PPP3CB: variants seen among roughly 807,000 people sequenced by gnomAD.
The protein encoded by PPP3CB is serine/threonine-protein phosphatase 2B catalytic subunit beta isoform.
PPP3CB carries 8 observed loss-of-function variants against 66.4 expected under a neutral mutation model. That is an observed-to-expected ratio of 0.12 (90% CI 0.07 to 0.22). The LOEUF (loss-of-function observed/expected upper bound fraction) is 0.22. Among genes scored for constraint, PPP3CB ranks in the 10% least tolerant of loss-of-function variants. The probability of loss-of-function intolerance (pLI) is 1.00; values close to 1 mark genes in which losing one functional copy is unlikely to be tolerated. For missense variants in PPP3CB, 319 were observed against 642.5 expected, an observed-to-expected ratio of 0.50 and a Z score of 5.44; for synonymous variants, 208 against 221.2, an observed-to-expected ratio of 0.94 and a Z score of 0.53.
chr10:73,454,455 G>A lies in PPP3CB; in HGVS notation c.1143C>T (p.Cys381=), dbSNP rs2056392306. The A allele has an allele frequency of 2.5e-6, 4 of 1,611,880 alleles. No individual in the cohort carries two copies. The African/African-American group carries it at 5.4e-5, about 22-fold the overall frequency. The change falls in exon 10 of 14, where the codon TGC becomes TGT. Residue 381 remains cysteine, a synonymous_variant. Transcript: ENST00000360663. ...CTTCAGTCATTAGTTCATCATCAGA[G>A]CAAATACTCAGAACATTTACCAACA... is the stretch of plus-strand genomic sequence containing the variant. ...TEMLVNVLSI[C]SDDELMTEGE...
intron 10 of PPP3CB, 153 bp from the exon 11 acceptor site, chr10:73,446,726 A>T (rs1376884305): frequency 3.0e-6 from 2 of 659,394 alleles, no homozygotes; most frequent in East Asian, 2.7e-5. Flanking sequence ...CATGCTAAAA[A>T]ATGTCTTGCT....
intron 1 of PPP3CB, among the ~76,000 whole-genome samples, chr10:73,488,646 A>C (rs1191984028): frequency 2.6e-5 from 4 of 152,040 alleles, no homozygotes; most frequent in Non-Finnish European, 5.9e-5. Flanking sequence ...TGCTTTAAGG[A>C]AAGATTCAAT....
chr10:73,453,740 C>A (rs1196478411), intron 10 of PPP3CB, among the ~76,000 whole-genome samples: 1 of 151,952 alleles, frequency 6.6e-6, no homozygotes, highest in African/African-American at 2.4e-5. Context: ...ATATTGTTTA[C>A]CTTTTTATGT....
chr10:73,483,931 G>A (rs943820676), intron 1 of PPP3CB, among the ~76,000 whole-genome samples: 1 of 151,950 alleles, frequency 6.6e-6, no homozygotes, highest in African/African-American at 2.4e-5. Flanking sequence ...ATCACTTGTG[G>A]TCAGGAGTTC....
intron 1 of PPP3CB, among the ~76,000 whole-genome samples, chr10:73,492,944 C>A (rs1456221414): frequency 6.6e-6 from 1 of 152,128 alleles, no homozygotes; most frequent in Non-Finnish European, 1.5e-5. Context: ...GGCCTTATGA[C>A]TACAAGCATG....
intron 1 of PPP3CB, among the ~76,000 whole-genome samples, chr10:73,491,384 C>CA (rs948319384): frequency 2.2e-4 from 34 of 152,014 alleles, no homozygotes; most frequent in African/African-American, 7.7e-4. Flanking sequence ...AGGCTAGTCT[C>CA]AAACTCCTGA....
chr10:73,488,019 G>T (rs952236678), intron 1 of PPP3CB, among the ~76,000 whole-genome samples: 4 of 151,808 alleles, frequency 2.6e-5, no homozygotes, highest in Non-Finnish European at 5.9e-5. Context: ...GACCTCAAGT[G>T]ATCCGCCCGC....
intron 3 of PPP3CB, among the ~76,000 whole-genome samples, chr10:73,475,603 G>A (rs964832092): frequency 6.6e-6 from 1 of 152,218 alleles, no homozygotes; most frequent in African/African-American, 2.4e-5. Context: ...CCCATGAAGG[G>A]AAGGTCCATG....
At chr10:73,467,720 A>G (rs763185708) in intron 8 of PPP3CB, 42 bp from the exon 9 acceptor site, 159 of 1,459,614 alleles carry the variant, frequency 1.1e-4, no homozygotes, top group Non-Finnish European at 1.3e-4. Flanking sequence ...TAGATAAGTA[A>G]CTATTTGTCA....
intron 1 of PPP3CB, among the ~76,000 whole-genome samples, chr10:73,483,543 G>C (rs2056918682): frequency 6.6e-6 from 1 of 152,186 alleles, no homozygotes; most frequent in African/African-American, 2.4e-5. Flanking sequence ...TGTTGTCCCA[G>C]CTACTCAGGA....
chr10:73,478,733 G>A, intron 2 of PPP3CB, 110 bp from the exon 3 acceptor site: 2 of 920,426 alleles, frequency 2.2e-6, no homozygotes, highest in South Asian at 3.5e-5. Flanking sequence ...ATCAAGAAAT[G>A]TCTGAGAAGG....
chr10:73,446,160 C>T (rs1029018616), intron 11 of PPP3CB, among the ~76,000 whole-genome samples: 5 of 149,554 alleles, frequency 3.3e-5, no homozygotes, highest in Non-Finnish European at 7.4e-5. Context: ...TCTGGAGTGG[C>T]GCAGTCTCGG....
intron 9 of PPP3CB, among the ~76,000 whole-genome samples, chr10:73,454,875 T>C (rs972515835): frequency 2.7e-5 from 4 of 150,280 alleles, no homozygotes; most frequent in African/African-American, 1.0e-4. Context: ...CAGGATTTAA[T>C]CTTTTTTTTT....
intron 9 of PPP3CB, among the ~76,000 whole-genome samples, chr10:73,455,443 A>T (rs569927589): frequency 6.6e-6 from 1 of 152,172 alleles, no homozygotes; most frequent in East Asian, 1.9e-4. Context: ...ATGTTCAATC[A>T]CTTGGAATTT....
chr10:73,455,939 G>A (rs139831819), intron 9 of PPP3CB, among the ~76,000 whole-genome samples: 78 of 152,284 alleles, frequency 5.1e-4, no homozygotes, highest in African/African-American at 1.8e-3. Flanking sequence ...ATGAGTGTAG[G>A]ATGTTGTTTA....
chr10:73,473,516 G>A lies in PPP3CB; in HGVS notation c.523+1403C>T, dbSNP rs976117091. ...CCAAAAATACAAAAATTAGCAGGAC[G>A]TGGTGGCGCATGCCTGTAATTTCAG... On this transcript the variant is annotated intron_variant, in intron 4 of 13. Transcript: ENST00000360663. Among the ~76,000 whole-genome samples the A allele has an allele frequency of 2.6e-5, 4 of 152,046 alleles. No individual in the cohort carries two copies. The East Asian group carries it at 5.8e-4, about 22-fold the overall frequency.
chr10:73,445,202 G>C (rs1480440021), intron 11 of PPP3CB, among the ~76,000 whole-genome samples: 1 of 152,152 alleles, frequency 6.6e-6, no homozygotes, highest in African/African-American at 2.4e-5. Flanking sequence ...TGGTCTTCCT[G>C]AATTAACCCC....
At chr10:73,474,508 C>T (rs1055436721) in intron 4 of PPP3CB, among the ~76,000 whole-genome samples, 13 of 152,032 alleles carry the variant, frequency 8.6e-5, no homozygotes, top group Non-Finnish European at 1.6e-4. Context: ...TCTCAGCTCA[C>T]TATGACCTCC....
At chr10:73,446,668 G>A in intron 10 of PPP3CB, 95 bp from the exon 11 acceptor site, 1 of 1,153,996 alleles carries the variant, frequency 8.7e-7, no homozygotes, top group Non-Finnish European at 1.3e-6. Flanking sequence ...ATCTAAACCA[G>A]TACCAAGACC....
Sources: allele counts gnomAD v4.1 joint callset (sites outside exome capture counted in the v4.1 genomes callset), GRCh38; gene constraint gnomAD v4.1.1; transcripts MANE v1.5; gene names NCBI Gene and HGNC (gene_info 2026-07-23, HGNC 2026-07-21).